GPBP1: variants seen among roughly 807,000 people sequenced by gnomAD.
GPBP1 encodes the protein GC-rich promoter binding protein 1.
A neutral mutation model predicts 56.5 loss-of-function variants in GPBP1; 13 were observed. That is an observed-to-expected ratio of 0.23 (90% CI 0.15 to 0.37). The LOEUF (loss-of-function observed/expected upper bound fraction) is 0.37. GPBP1 is among the 10% of genes least tolerant of loss of function. The probability of loss-of-function intolerance (pLI) is 1.00; values close to 1 mark genes in which losing one functional copy is unlikely to be tolerated. For synonymous variants in GPBP1, 204 were observed against 188.9 expected (o/e 1.08, Z -0.66); for missense variants, 477 against 572.3 (o/e 0.83, Z 1.70).
At chr5:57,236,061 G>T in intron 6 of GPBP1, 29 bp downstream of exon 6, 2 of 1,379,250 alleles carry the variant, frequency 1.5e-6, no homozygotes, top group South Asian at 1.2e-5. Context: ...ATATTTGAGG[G>T]GCACAAAATG....
chr5:57,196,186 A>C (rs967524438), intron 2 of GPBP1, among the ~76,000 whole-genome samples: 16 of 151,890 alleles, frequency 1.1e-4, no homozygotes, highest in African/African-American at 3.9e-4. Flanking sequence ...AATATTTTGT[A>C]GAGCCAAGGA....
chr5:57,246,653 G>A (rs1441333547), intron 7 of GPBP1, among the ~76,000 whole-genome samples, 169 bp downstream of exon 7: 1 of 152,080 alleles, frequency 6.6e-6, no homozygotes, highest in Admixed American at 6.5e-5. Context: ...TTGATGTGGT[G>A]TGTGCGTGTG....
At chr5:57,257,486 T>C (rs1015577516) in intron 10 of GPBP1, among the ~76,000 whole-genome samples, 33 of 152,232 alleles carry the variant, frequency 2.2e-4, no homozygotes, top group Non-Finnish European at 4.3e-4. Flanking sequence ...GATACAGTTG[T>C]CAACTTGTTT....
At chr5:57,187,068 C>A (rs1037744383) in intron 2 of GPBP1, among the ~76,000 whole-genome samples, 1 of 151,092 alleles carries the variant, frequency 6.6e-6, no homozygotes, top group Non-Finnish European at 1.5e-5. Flanking sequence ...TATGCTAATT[C>A]TATGGAATGC....
At chr5:57,188,079 C>A (rs946256565) in intron 2 of GPBP1, among the ~76,000 whole-genome samples, 2 of 151,540 alleles carry the variant, frequency 1.3e-5, no homozygotes, top group Non-Finnish European at 2.9e-5. Context: ...CCCATCTCTA[C>A]CAAAAAATAC....
chr5:57,196,199 C>G (rs1754742737), intron 2 of GPBP1, among the ~76,000 whole-genome samples: 1 of 152,016 alleles, frequency 6.6e-6, no homozygotes, highest in African/African-American at 2.4e-5. Context: ...GCCAAGGACT[C>G]TCTTTTTGGC....
intron 2 of GPBP1, among the ~76,000 whole-genome samples, chr5:57,213,536 C>G (rs1480933412): frequency 1.3e-5 from 2 of 151,814 alleles, no homozygotes; most frequent in Non-Finnish European, 2.9e-5. Context: ...CCATTAAAAG[C>G]CACTATTTGT....
At chr5:57,262,314 T>C (rs1339355368) in intron 11 of GPBP1, among the ~76,000 whole-genome samples, 1 of 152,196 alleles carries the variant, frequency 6.6e-6, no homozygotes, top group African/African-American at 2.4e-5. Context: ...AAATAACAGA[T>C]ACAGCTTAAT....
At position 57,249,560 on chromosome 5, in the gene GPBP1, G is replaced by C. The variant is rs149343603; in HGVS notation, c.956G>C (p.Arg319Pro). Residue 319 changes from arginine (R) to proline (P), a missense_variant, in exon 9 of 12, where the codon CGT becomes CCT. By Grantham distance (103) the Arg-to-Pro change is moderately radical. Coordinates refer to ENST00000506184, the MANE Select transcript of GPBP1 (RefSeq NM_022913.4). ...RVEEEHEDES[R>P]AGSEKDDDSF... ...GAAGAGGAACATGAAGATGAAAGCC[G>C]TGCTGGCTCAGAGAAGGTAATTGAA... 3.7e-6 allele frequency: 6 copies of C among 1,602,136 alleles called. No homozygotes were observed. Among genetic ancestry groups the C allele is most frequent in the Non-Finnish European group, 5.1e-6 (6 of 1,176,908 alleles).
At chr5:57,178,544 C>T (rs1317935353) in intron 2 of GPBP1, among the ~76,000 whole-genome samples, 1 of 152,168 alleles carries the variant, frequency 6.6e-6, no homozygotes, top group Non-Finnish European at 1.5e-5. Flanking sequence ...CTGCGTCCAG[C>T]CTTGTTTTCT....
intron 3 of GPBP1, among the ~76,000 whole-genome samples, chr5:57,222,290 C>T (rs915613545): frequency 3.3e-5 from 5 of 152,062 alleles, no homozygotes; most frequent in Non-Finnish European, 7.4e-5. Context: ...CTCCCCCTGC[C>T]CCACCATTTA....
intron 6 of GPBP1, among the ~76,000 whole-genome samples, chr5:57,237,889 A>T (rs1740610861): frequency 6.6e-6 from 1 of 152,112 alleles, no homozygotes; most frequent in African/African-American, 2.4e-5. Flanking sequence ...AATTTTGTAG[A>T]TTGAAAACTG....
At chr5:57,259,374 A>G (rs902677623) in intron 10 of GPBP1, among the ~76,000 whole-genome samples, 1 of 152,258 alleles carries the variant, frequency 6.6e-6, no homozygotes, top group Non-Finnish European at 1.5e-5. Context: ...GCTATTGTGT[A>G]GCAGGTGCAA....
intron 2 of GPBP1, among the ~76,000 whole-genome samples, chr5:57,185,332 G>A (rs12657801): frequency 0.03 from 4,503 of 151,532 alleles, 150 homozygotes; most frequent in East Asian, 0.12. Context: ...GGCAATCTCG[G>A]CTCACTGCAA....
intron 3 of GPBP1, among the ~76,000 whole-genome samples, chr5:57,215,773 A>C (rs1201652288): frequency 6.6e-6 from 1 of 151,854 alleles, no homozygotes; most frequent in Non-Finnish European, 1.5e-5. Flanking sequence ...AAAATCTTTG[A>C]GTCATTACTC....
intron 6 of GPBP1, 88 bp from the exon 7 acceptor site, chr5:57,246,212 A>T (rs897710365): frequency 3.9e-5 from 37 of 950,232 alleles, no homozygotes; most frequent in Admixed American, 1.7e-4. Flanking sequence ...AAAAAAAAAA[A>T]TTTGGAATAT....
In GPBP1 at chr5:57,251,098, C is replaced by T; in HGVS notation, c.1117C>T (p.Pro373Ser). The change falls in exon 10 of 12, where the codon CCA becomes TCA. Residue 373 changes from proline to serine, a missense_variant. Coordinates refer to ENST00000506184, the MANE Select transcript of GPBP1 (RefSeq NM_022913.4). ...SQQIIRSSTF[P>S]QTDVLSSSLE... ...GCAGATCATTCGGTCTTCAACCTTC[C>T]CACAAACTGATGTTCTTTCAAGTTC... The T allele has an allele frequency of 6.2e-7, 1 of 1,611,794 alleles. No individual in the cohort carries two copies. Among genetic ancestry groups the T allele is most frequent in the Non-Finnish European group, 8.5e-7 (1 of 1,179,344 alleles).
intron 2 of GPBP1, among the ~76,000 whole-genome samples, chr5:57,190,592 A>C (rs901799449): frequency 2.2e-4 from 33 of 151,774 alleles, no homozygotes; most frequent in African/African-American, 7.7e-4. Context: ...TCAGTTAAAA[A>C]AAAAAAAAGA....
At chr5:57,248,172 A>G (rs1010079548) in intron 8 of GPBP1, among the ~76,000 whole-genome samples, 9 of 152,106 alleles carry the variant, frequency 5.9e-5, no homozygotes, top group African/African-American at 1.9e-4. Context: ...TTTGGGGATG[A>G]TGGACATTTT....
Sources: gnomAD v4.1 joint callset for allele counts (sites outside exome capture counted in the v4.1 genomes callset) on GRCh38, gnomAD v4.1.1 for gene constraint, MANE v1.5 for transcripts, NCBI Gene and HGNC (gene_info 2026-07-23, HGNC 2026-07-21) for gene names.